AMTN: variants seen among roughly 807,000 people sequenced by gnomAD.
AMTN encodes RSTI689.
Under a neutral mutation model 27.4 loss-of-function variants are expected in AMTN, and 29 were observed. The observed-to-expected ratio is 1.06, with a 90% CI of 0.79 to 1.44. The LOEUF (loss-of-function observed/expected upper bound fraction) is 1.44. Among genes scored for constraint, AMTN ranks in the 40% most tolerant of loss-of-function variants. The pLI is 0.00. For missense variants in AMTN, 247 were observed against 248.8 expected (o/e 0.99, Z 0.05); for synonymous variants, 86 against 95.7 (o/e 0.90, Z 0.59).
chr4:70,532,351 T>G, intron 8 of AMTN, 104 bp from the exon 9 acceptor site: 4 of 843,412 alleles, frequency 4.7e-6, no homozygotes, highest in Non-Finnish European at 7.3e-6. Flanking sequence ...AAGAATGATA[T>G]GGATGCTCCT....
chr4:70,519,726 T>C (rs947914343), intron 2 of AMTN, among the ~76,000 whole-genome samples: 2 of 152,124 alleles, frequency 1.3e-5, no homozygotes, highest in Non-Finnish European at 2.9e-5. Context: ...TTTTTATTTT[T>C]ACCAATGTCA....
intron 2 of AMTN, among the ~76,000 whole-genome samples, chr4:70,521,067 G>T (rs552660317): frequency 2.0e-5 from 3 of 152,234 alleles, no homozygotes; most frequent in African/African-American, 7.2e-5. Flanking sequence ...GGGGTCTCTG[G>T]CTTTTACTCT....
chr4:70,529,314 A>G, intron 7 of AMTN, 104 bp downstream of exon 7: 1 of 711,786 alleles, frequency 1.4e-6, no homozygotes, highest in East Asian at 3.3e-5. Flanking sequence ...TATGGTATGT[A>G]CTACAATGAA....
intron 7 of AMTN, among the ~76,000 whole-genome samples, chr4:70,529,928 C>T (rs1221775306): frequency 6.6e-6 from 1 of 152,176 alleles, no homozygotes; most frequent in Non-Finnish European, 1.5e-5. Flanking sequence ...AACATTGATG[C>T]ATGAACATCC....
At chr4:70,526,344 A>T (rs1437000486) in intron 5 of AMTN, among the ~76,000 whole-genome samples, 2 of 152,128 alleles carry the variant, frequency 1.3e-5, no homozygotes, top group African/African-American at 4.8e-5. Flanking sequence ...GTTTTTAATG[A>T]CTGCTTAGTA....
At position 70,532,376 on chromosome 4, in the gene AMTN, A is replaced by G; in HGVS notation, c.620-79A>G. On this transcript the variant is annotated intron_variant, in intron 8 of 8. Coordinates refer to ENST00000339336, the MANE Select transcript of AMTN (RefSeq NM_212557.4). ...TGGATGCTCCTAATCCTGCAAAAGA[A>G]ACTTGGATCTCAAGTAAAAGATATT... The G allele has an allele frequency of 1.1e-5, 13 of 1,193,750 alleles. No homozygotes were observed. In the South Asian group the frequency reaches 1.8e-4, roughly 17 times the overall value. 73.9% of individuals were successfully genotyped at this position (1,193,750 alleles called of 1,614,324 possible).
At chr4:70,527,440 T>C (rs1172020708) in intron 5 of AMTN, among the ~76,000 whole-genome samples, 1 of 152,210 alleles carries the variant, frequency 6.6e-6, no homozygotes, top group African/African-American at 2.4e-5. Context: ...AAATCAAAAA[T>C]ATACCAACCA....
intron 8 of AMTN, 45 bp downstream of exon 8, chr4:70,531,345 A>G (rs1323247969): frequency 1.2e-5 from 19 of 1,605,712 alleles, no homozygotes; most frequent in Non-Finnish European, 1.6e-5. Context: ...TATAAAAGTC[A>G]TCTGCAGAAT....
intron 2 of AMTN, among the ~76,000 whole-genome samples, chr4:70,519,569 G>A (rs532243033): frequency 8.2e-4 from 124 of 152,012 alleles, no homozygotes; most frequent in Non-Finnish European, 8.7e-4. Context: ...GCATCCATTC[G>A]TACAATCAAC....
chr4:70,521,124 AAT>A (rs772739525), intron 2 of AMTN, among the ~76,000 whole-genome samples: 30 of 152,306 alleles, frequency 2.0e-4, no homozygotes, highest in Non-Finnish European at 4.0e-4. Context: ...TAACGCCCGT[AAT>A]CCCAACACTT....
In AMTN at chr4:70,518,827, T is replaced by C. The variant is rs769401306; in HGVS notation, c.50T>C (p.Leu17Ser). The C allele has an allele frequency of 6.2e-7, 1 of 1,608,330 alleles. No homozygotes were observed. Among genetic ancestry groups the C allele is most frequent in the Admixed American group, 1.7e-5 (1 of 59,980 alleles). ...TGTCTTCTAGGATCAACTCGGTCAT[T>C]ACCAGTAAGTATGTTATGTTTGTTT... Reference protein sequence around the residue: ...LFCLLGSTRSLPQLKPALGLP... With the variant: ...LFCLLGSTRSSPQLKPALGLP... The change falls in exon 2 of 9, where the codon TTA (leucine) becomes TCA (serine). Residue 17 changes from leucine (L) to serine (S), a missense_variant. By Grantham distance (145) the Leu-to-Ser change is moderately radical. Transcript: ENST00000339336.
Position 70,531,033 on chromosome 4 carries a change from T to A in AMTN, c.358-6T>A. On this transcript the variant is annotated splice_region_variant and splice_polypyrimidine_tract_variant and intron_variant, in intron 7 of 8. Coordinates refer to ENST00000339336, the MANE Select transcript of AMTN (RefSeq NM_212557.4). The stretch of plus-strand genomic sequence containing the variant: ...CTTTGTTTTCTGTTTGCTTCCCTCA[T>A]TCCAGCCACAAATCTTCACGAGCCT... 1.9e-6 allele frequency: 3 copies of A among 1,613,388 alleles called. No homozygotes were observed. Among genetic ancestry groups the A allele is most frequent in the Non-Finnish European group, 2.5e-6 (3 of 1,179,486 alleles).
Position 70,532,462 on chromosome 4 carries a change from G to C in AMTN, c.627G>C (p.Gln209His). Reference sequence around the variant, plus strand: ...TGTTTTATTTTCTTCCAGGAATTCAGTAAGCTGTTTCAAATTTTTTCAACT... The same window carrying C: ...TGTTTTATTTTCTTCCAGGAATTCACTAAGCTGTTTCAAATTTTTTCAACT... ...EATTESANGI[Q>H] is the part of the protein sequence containing the mutation. The change falls in exon 9 of 9, where the codon CAG (glutamine) becomes CAC (histidine). Residue 209 changes from glutamine to histidine, a missense_variant. By Grantham distance (24) the Gln-to-His change is conservative. Transcript: ENST00000339336. The C allele has an allele frequency of 6.2e-7, 1 of 1,606,076 alleles. No individual in the cohort carries two copies. The highest frequency in any genetic ancestry group is 1.3e-5 in the African/African-American group (1 of 74,750).
intron 5 of AMTN, among the ~76,000 whole-genome samples, chr4:70,527,448 C>G (rs558374825): frequency 6.0e-4 from 91 of 152,286 alleles, no homozygotes; most frequent in Middle Eastern, 6.8e-3. Context: ...AATATACCAA[C>G]CACTTTCCCA....
intron 5 of AMTN, among the ~76,000 whole-genome samples, chr4:70,526,166 A>G (rs1404243008): frequency 3.3e-5 from 5 of 152,328 alleles, no homozygotes; most frequent in Non-Finnish European, 5.9e-5. Context: ...CTCATTAGCC[A>G]TAATCAAACA....
rs1353503735 is a variant in AMTN at position 70,532,557 on chromosome 4, C to T, written c.*92C>T. On this transcript the variant is annotated 3_prime_UTR_variant, in exon 9 of 9. Transcript: ENST00000339336. ...TTATATTATGGAATAGATTGAGACA[C>T]ATTGGATAGTCTTAGAAGAAATTAA... The T allele has an allele frequency of 2.6e-6, 3 of 1,134,778 alleles. No homozygotes were observed. In the Admixed American group the frequency reaches 6.4e-5, roughly 24 times the overall value. The allele number at this position is 1,134,778 out of a possible 1,614,324, so 70.3% of individuals were successfully genotyped here.
chr4:70,524,079 G>A (rs1034947059), intron 4 of AMTN, 146 bp downstream of exon 4: 5 of 610,222 alleles, frequency 8.2e-6, no homozygotes, highest in Non-Finnish European at 1.1e-5. Context: ...TTGAAAGAGA[G>A]GAGAGAAGAG....
rs368417913 is a variant in AMTN, at chr4:70,522,833, A to G, written c.133A>G (p.Asn45Asp). Reference protein sequence around the residue: ...QGTLPNQQQSNQVFPSLSLIP... With the variant: ...QGTLPNQQQSDQVFPSLSLIP... ...AACACTACCAAACCAACAGCAGTCA[A>G]ATCAGGTAAGAGTCCTACAATATGG... Residue 45 changes from asparagine (N) to aspartate (D), a missense_variant, in exon 3 of 9, where the codon AAT becomes GAT. By Grantham distance (23) the Asn-to-Asp change is conservative. Transcript: ENST00000339336. 16 of 1,613,828 alleles carry G rather than the reference A, an allele frequency of 9.9e-6. No homozygotes were observed. Among genetic ancestry groups the G allele is most frequent in the Non-Finnish European group, 1.4e-5 (16 of 1,179,800 alleles).
intron 7 of AMTN, among the ~76,000 whole-genome samples, chr4:70,530,205 T>G (rs1736190466): frequency 2.1e-5 from 3 of 140,066 alleles, no homozygotes; most frequent in South Asian, 2.4e-4. Flanking sequence ...AGCAACTACA[T>G]TTTTCATGCA....
Sources: allele counts gnomAD v4.1 joint callset (sites outside exome capture counted in the v4.1 genomes callset), GRCh38; gene constraint gnomAD v4.1.1; transcripts MANE v1.5; gene names NCBI Gene and HGNC (gene_info 2026-07-23, HGNC 2026-07-21).